RBFOX1: variants seen among roughly 807,000 people sequenced by gnomAD.
RBFOX1 encodes RNA binding protein fox-1 homolog 1.
In RBFOX1, 8 loss-of-function variants were observed where a neutral mutation model predicts 57.7. That is an observed-to-expected ratio of 0.14 (90% CI 0.08 to 0.25). The LOEUF (loss-of-function observed/expected upper bound fraction) is 0.25, where lower values mean the gene tolerates loss of function less well. RBFOX1 is among the 10% of genes least tolerant of loss of function. RBFOX1 has a pLI of 1.00. For synonymous variants in RBFOX1, 326 were observed against 222.4 expected (o/e 1.47, Z -4.15); for missense variants, 611 against 548.5 (o/e 1.11, Z -1.14).
At chr16:6,372,937 AT>A (rs1457840437) in intron 2 of RBFOX1, among the ~76,000 whole-genome samples, 1 of 102,756 alleles carries the variant, frequency 9.7e-6, no homozygotes, top group Non-Finnish European at 2.3e-5. Context: ...GGGTAGGAGG[AT>A]TGTTGTGTAG....
At chr16:5,872,028 G>A (rs556272790) in intron 4 of RBFOX1, among the ~76,000 whole-genome samples, 2 of 152,186 alleles carry the variant, frequency 1.3e-5, no homozygotes, top group Admixed American at 6.5e-5. Context: ...TTTATCCTAG[G>A]CCTAGGAATC....
rs571611108 is a variant in RBFOX1 at position 6,913,537 on chromosome 16, C to T, written c.-15-138520C>T. ...CAGTGCCCGATGCCCAGCACTGAGC[C>T]CAGTGCCTGGTGTTCAGGGTGTCTT... On this transcript the variant is annotated intron_variant, in intron 3 of 15. Transcript: ENST00000550418. 4.6e-5 allele frequency among the ~76,000 whole-genome samples: 7 copies of T among 152,232 alleles called. No individual in the cohort carries two copies. In the South Asian group the frequency reaches 1.2e-3, roughly 27 times the overall value.
rs535434091 is a variant in RBFOX1 at position 7,392,619 on chromosome 16, C to T, written c.28-125528C>T. On this transcript the variant is annotated intron_variant, in intron 4 of 15. Transcript: ENST00000550418. Reference sequence around the variant, plus strand: ...CTTCTTCTTGGGCTAGAGTCAGAGCCACTTTCTCCTAATCCCCTATAGGTT... The same window carrying T: ...CTTCTTCTTGGGCTAGAGTCAGAGCTACTTTCTCCTAATCCCCTATAGGTT... Among the ~76,000 whole-genome samples the T allele has an allele frequency of 3.2e-4, 48 of 152,272 alleles. 1 individual carries two copies. Among genetic ancestry groups the T allele is most frequent in the African/African-American group, 1.2e-3 (48 of 41,548 alleles).
intron 4 of RBFOX1, among the ~76,000 whole-genome samples, chr16:7,244,828 G>A (rs910162306): frequency 6.6e-6 from 1 of 152,150 alleles, no homozygotes; most frequent in African/African-American, 2.4e-5. Flanking sequence ...TTGTTTCCTT[G>A]TTCCCACTTC....
At chr16:5,907,766 T>TCA (rs1567133008) in intron 4 of RBFOX1, among the ~76,000 whole-genome samples, 10 of 132,190 alleles carry the variant, frequency 7.6e-5, no homozygotes, top group African/African-American at 3.7e-4. Flanking sequence ...TCATCATCAT[T>TCA]TGAGATGGCA....
At chr16:5,491,129 A>G (rs1304612727) in intron 2 of RBFOX1, among the ~76,000 whole-genome samples, 1 of 152,130 alleles carries the variant, frequency 6.6e-6, no homozygotes, top group Non-Finnish European at 1.5e-5. Flanking sequence ...GCAGTCTGTC[A>G]TCGGCCGAAA....
At chr16:7,054,226 C>CG (rs2051197268) in intron 4 of RBFOX1, among the ~76,000 whole-genome samples, 1 of 8,942 alleles carries the variant, frequency 1.1e-4, no homozygotes, top group African/African-American at 6.3e-4. Context: ...GGGGGGGGGG[C>CG]GGGGAGCTTT....
chr16:5,258,841 G>A (rs1204558564), intron 1 of RBFOX1, among the ~76,000 whole-genome samples: 2 of 152,088 alleles, frequency 1.3e-5, no homozygotes, highest in African/African-American at 2.4e-5. Flanking sequence ...TCTTGAAGCC[G>A]GGAGGTGGAA....
chr16:7,128,930 C>T (rs1426335933), intron 4 of RBFOX1, among the ~76,000 whole-genome samples: 1 of 151,092 alleles, frequency 6.6e-6, no homozygotes, highest in Non-Finnish European at 1.5e-5. Context: ...AAGCCATTCT[C>T]CTGCCTCAAC....
At chr16:7,583,103 T>A (rs1034978) in intron 6 of RBFOX1, among the ~76,000 whole-genome samples, 1 of 151,624 alleles carries the variant, frequency 6.6e-6, no homozygotes, top group Non-Finnish European at 1.5e-5. Context: ...TTCTACTCAT[T>A]GGAAGCATTT....
At chr16:7,408,569 T>C (rs2098385274) in intron 4 of RBFOX1, among the ~76,000 whole-genome samples, 1 of 152,230 alleles carries the variant, frequency 6.6e-6, no homozygotes, top group African/African-American at 2.4e-5. Flanking sequence ...GCGATTGCTG[T>C]TCCTGATAAC....
intron 2 of RBFOX1, among the ~76,000 whole-genome samples, chr16:6,399,973 C>T (rs1229060669): frequency 6.6e-6 from 1 of 152,234 alleles, no homozygotes; most frequent in African/African-American, 2.4e-5. Context: ...TAGCCAGCCC[C>T]ACAATTCAAT....
chr16:7,388,023 A>T (rs1319123932), intron 4 of RBFOX1, among the ~76,000 whole-genome samples: 1 of 151,970 alleles, frequency 6.6e-6, no homozygotes, highest in Admixed American at 6.6e-5. Flanking sequence ...AACAAAACAA[A>T]ATATCCTTTT....
rs1422154658 is a variant in RBFOX1, at chr16:6,549,505, G to A, written c.-63-105098G>A. On this transcript the variant is annotated intron_variant, in intron 2 of 15. Transcript: ENST00000550418. ...GGAGGGGAAGAGGAAGAGGAGGAGG[G>A]GAAGAGGAGGAGGAGAGGAGGGAGG... is the stretch of plus-strand genomic sequence containing the variant. Among the ~76,000 whole-genome samples the A allele has an allele frequency of 1.3e-3, 135 of 104,418 alleles. 1 individual carries two copies. Among genetic ancestry groups the A allele is most frequent in the African/African-American group, 5.9e-3 (127 of 21,460 alleles). 68.5% of individuals were successfully genotyped at this position (104,418 alleles called of 152,430 possible). A position where few individuals can be genotyped will look rare whatever the true frequency, so the allele number is the denominator to read the frequency against.
At chr16:6,511,655 C>A (rs1031356637) in intron 2 of RBFOX1, among the ~76,000 whole-genome samples, 1 of 152,074 alleles carries the variant, frequency 6.6e-6, no homozygotes, top group African/African-American at 2.4e-5. Flanking sequence ...TTACTAACTC[C>A]CTGGTGAAGA....
At chr16:7,302,972 T>C (rs2096069266) in intron 4 of RBFOX1, among the ~76,000 whole-genome samples, 1 of 152,128 alleles carries the variant, frequency 6.6e-6, no homozygotes, top group Non-Finnish European at 1.5e-5. Flanking sequence ...AAATAAACCA[T>C]TGTAATTTGC....
At chr16:5,944,179 A>G (rs761154489) in intron 4 of RBFOX1, among the ~76,000 whole-genome samples, 5 of 152,324 alleles carry the variant, frequency 3.3e-5, no homozygotes, top group African/African-American at 4.8e-5. Flanking sequence ...AATGACCTCA[A>G]CGATGTGTGA....
chr16:5,535,651 G>T (rs2044664958), intron 2 of RBFOX1, among the ~76,000 whole-genome samples: 1 of 152,118 alleles, frequency 6.6e-6, no homozygotes, highest in South Asian at 2.1e-4. Context: ...CAACTGATTT[G>T]TTTCGGTCTG....
chr16:5,372,718 T>A (rs941196732), intron 1 of RBFOX1, among the ~76,000 whole-genome samples: 2 of 152,236 alleles, frequency 1.3e-5, no homozygotes, highest in African/African-American at 4.8e-5. Flanking sequence ...ATCTATGTGG[T>A]TGGTTTCCCC....
Sources: gnomAD v4.1 joint callset for allele counts (sites outside exome capture counted in the v4.1 genomes callset) on GRCh38, gnomAD v4.1.1 for gene constraint, MANE v1.5 for transcripts, NCBI Gene and HGNC (gene_info 2026-07-23, HGNC 2026-07-21) for gene names.